CNTNAP4: variants seen among roughly 807,000 people sequenced by gnomAD.
CNTNAP4 encodes the protein contactin-associated protein-like 4.
A neutral mutation model predicts 148.4 loss-of-function variants in CNTNAP4; 98 were observed. The observed-to-expected ratio is 0.66, with a 90% confidence interval of 0.56 to 0.78. CNTNAP4 has a LOEUF of 0.78. Ranked by LOEUF, CNTNAP4 falls within the 30% of genes least tolerant of loss-of-function variation. The pLI is 0.00. For missense variants in CNTNAP4, 1,935 were observed against 1,565.6 expected (o/e 1.24, Z -3.98); for synonymous variants, 730 against 565.1 (o/e 1.29, Z -4.14).
intron 15 of CNTNAP4, among the ~76,000 whole-genome samples, chr16:76,511,043 A>T (rs1345158229): frequency 1.3e-5 from 2 of 152,190 alleles, no homozygotes; most frequent in Non-Finnish European, 2.9e-5. Flanking sequence ...AATAGAAGTG[A>T]TGTGATAAAA....
rs780514988 is a variant in CNTNAP4 at position 76,538,136 on chromosome 16, T to C, written c.3016T>C (p.Ser1006Pro). The C allele has an allele frequency of 1.3e-5, 20 of 1,509,136 alleles. No individual in the cohort carries two copies. In the Middle Eastern group the frequency reaches 7.1e-4, roughly 53 times the overall value. The allele number at this position is 1,509,136 out of a possible 1,614,324, so 93.5% of individuals were successfully genotyped here. The change falls in exon 19 of 24, where the codon TCT becomes CCT. Residue 1006 changes from serine to proline, a missense_variant. By Grantham distance (74) the Ser-to-Pro change is moderately conservative. Transcript: ENST00000611870. ...CSNEISAYFGSGSSVIYNFQE... is the reference protein window; with the variant it reads ...CSNEISAYFGPGSSVIYNFQE... ...TTCAGAGATTTCTGCATATTTTGGA[T>C]CTGGCTCATCCGTGATATACAATTT...
chr16:76,428,032 A>G (rs1405831402), intron 4 of CNTNAP4, among the ~76,000 whole-genome samples: 1 of 152,204 alleles, frequency 6.6e-6, no homozygotes, highest in Non-Finnish European at 1.5e-5. Flanking sequence ...TAGCCTAAAA[A>G]CAATATCATG....
rs370217520 is a variant in CNTNAP4, at chr16:76,528,247, G to C, written c.2755+5990G>C. 7.9e-5 allele frequency among the ~76,000 whole-genome samples: 12 copies of C among 152,146 alleles called. No homozygotes were observed. In the South Asian group the frequency reaches 2.3e-3, roughly 29 times the overall value. On this transcript the variant is annotated intron_variant, in intron 17 of 23. Transcript: ENST00000611870. ...TGTTGGTAATATTTATTAGCATTAA[G>C]TTTTTTGAGATTAACATTTTTTAAA...
chr16:76,479,150 T>G (rs1354587833), intron 11 of CNTNAP4, among the ~76,000 whole-genome samples: 1 of 152,084 alleles, frequency 6.6e-6, no homozygotes, highest in African/African-American at 2.4e-5. Flanking sequence ...AATGTCAAAG[T>G]AGCTAAATTT....
intron 3 of CNTNAP4, among the ~76,000 whole-genome samples, chr16:76,367,299 C>G (rs1168071138): frequency 6.6e-6 from 1 of 151,392 alleles, no homozygotes; most frequent in African/African-American, 2.4e-5. Flanking sequence ...AATACAGATG[C>G]AGAAAAAAGT....
At chr16:76,431,873 C>T (rs993987302) in intron 4 of CNTNAP4, among the ~76,000 whole-genome samples, 2 of 150,746 alleles carry the variant, frequency 1.3e-5, no homozygotes, top group Non-Finnish European at 2.9e-5. Context: ...GGAAATGAGA[C>T]AATAAATAGA....
intron 20 of CNTNAP4, 50 bp downstream of exon 20, chr16:76,539,902 T>G (rs775103710): frequency 7.1e-7 from 1 of 1,402,444 alleles, no homozygotes; most frequent in Admixed American, 2.6e-5. Context: ...CTCTCCAGCA[T>G]GAAGGATCTC....
At chr16:76,421,986 T>G (rs2079206833) in intron 3 of CNTNAP4, among the ~76,000 whole-genome samples, 1 of 152,192 alleles carries the variant, frequency 6.6e-6, no homozygotes, top group African/African-American at 2.4e-5. Flanking sequence ...CCTTTATACT[T>G]CTTGGCTTTT....
At position 76,560,041 on chromosome 16, in the gene CNTNAP4, A is replaced by G. The variant is rs1051486208; in HGVS notation, c.*1358A>G. 6.6e-6 allele frequency among the ~76,000 whole-genome samples: 1 copy of G among 152,282 alleles called. No homozygotes were observed. Among genetic ancestry groups the G allele is most frequent in the East Asian group, 1.9e-4 (1 of 5,180 alleles). ...ATTAGGGTGTATTATACACTAGGAG[A>G]TCAAAGAATGATCAATAACCTTATG... On this transcript the variant is annotated 3_prime_UTR_variant, in exon 24 of 24. Transcript: ENST00000611870.
intron 15 of CNTNAP4, among the ~76,000 whole-genome samples, chr16:76,506,296 C>T (rs1427123345): frequency 2.1e-5 from 2 of 93,482 alleles, no homozygotes; most frequent in African/African-American, 5.3e-5. Context: ...CACAGATTTC[C>T]ACTCCTTATC....
At chr16:76,529,000 G>A (rs2083859453) in intron 17 of CNTNAP4, among the ~76,000 whole-genome samples, 2 of 152,258 alleles carry the variant, frequency 1.3e-5, no homozygotes, top group Middle Eastern at 3.4e-3. Context: ...ATAAAATAAT[G>A]CACAAAACCC....
rs189991607 is a variant in CNTNAP4 at position 76,509,671 on chromosome 16, C to G, written c.2365+10977C>G. Among the ~76,000 whole-genome samples the G allele has an allele frequency of 5.2e-5, 5 of 96,862 alleles. 2 individuals are homozygous for G. The highest frequency in any genetic ancestry group is 1.3e-4 in the African/African-American group (5 of 38,848). 63.5% of individuals were successfully genotyped at this position (96,862 alleles called of 152,430 possible). ...CTACTGTGAGAAATGGAAAAGCTAG[C>G]ACTCATTTCTTCTTTCCCCTTCTTT... On this transcript the variant is annotated intron_variant, in intron 15 of 23. Transcript: ENST00000611870.
At chr16:76,533,026 C>T (rs868718140) in intron 17 of CNTNAP4, among the ~76,000 whole-genome samples, 2 of 152,082 alleles carry the variant, frequency 1.3e-5, no homozygotes, top group African/African-American at 2.4e-5. Flanking sequence ...ATTGAAAAGA[C>T]AGCTGCACCC....
At chr16:76,402,123 A>G (rs1328523659) in intron 3 of CNTNAP4, among the ~76,000 whole-genome samples, 1 of 152,194 alleles carries the variant, frequency 6.6e-6, no homozygotes, top group East Asian at 1.9e-4. Context: ...GAATGGTACC[A>G]GCTCTTCTTT....
At chr16:76,417,594 A>G (rs1026984270) in intron 3 of CNTNAP4, among the ~76,000 whole-genome samples, 2 of 151,608 alleles carry the variant, frequency 1.3e-5, no homozygotes, top group African/African-American at 2.4e-5. Flanking sequence ...CACCCAATGC[A>G]TGATTATTAT....
At chr16:76,443,216 A>G (rs915637518) in intron 4 of CNTNAP4, among the ~76,000 whole-genome samples, 1 of 152,122 alleles carries the variant, frequency 6.6e-6, no homozygotes, top group African/African-American at 2.4e-5. Flanking sequence ...AATAATTCTT[A>G]TTCTTCCTTT....
intron 2 of CNTNAP4, among the ~76,000 whole-genome samples, chr16:76,316,955 A>C (rs543929916): frequency 6.6e-6 from 1 of 152,270 alleles, no homozygotes; most frequent in Non-Finnish European, 1.5e-5. Flanking sequence ...GGAACATAAT[A>C]AGATTTTCAT....
intron 12 of CNTNAP4, among the ~76,000 whole-genome samples, chr16:76,483,348 A>G (rs1277351866): frequency 6.6e-6 from 1 of 152,084 alleles, no homozygotes; most frequent in East Asian, 1.9e-4. Context: ...AAAACACTGA[A>G]CAAATTACTC....
chr16:76,462,240 T>G, intron 9 of CNTNAP4, 135 bp downstream of exon 9: 1 of 776,400 alleles, frequency 1.3e-6, no homozygotes, highest in Non-Finnish European at 1.9e-6. Flanking sequence ...ATCACGGACA[T>G]TTTGGGTGGA....
Sources: allele counts gnomAD v4.1 joint callset (sites outside exome capture counted in the v4.1 genomes callset), GRCh38; gene constraint gnomAD v4.1.1; transcripts MANE v1.5; gene names NCBI Gene and HGNC (gene_info 2026-07-23, HGNC 2026-07-21).